CBX6: variants seen among roughly 807,000 people sequenced by gnomAD.
The protein encoded by CBX6 is chromobox protein homolog 6.
In CBX6, 7 loss-of-function variants were observed where a neutral mutation model predicts 28.4. The ratio of observed to expected loss-of-function variants is 0.25; its 90% CI spans 0.14 to 0.46. The LOEUF (loss-of-function observed/expected upper bound fraction) is 0.46. Ranked by LOEUF, CBX6 falls within the 20% of genes least tolerant of loss-of-function variation. The pLI is 0.99. For missense variants in CBX6, 512 were observed against 606.1 expected (o/e 0.84, Z 1.63); for synonymous variants, 297 against 273.4 (o/e 1.09, Z -0.85).
chr22:38,866,445 C>T lies in CBX6; in HGVS notation c.1003G>A (p.Ala335Thr), dbSNP rs760731246. ...SKRAPPEVTA[A>T]AGPAPPTAPE... ...GCCGTGGGAGGTGCCGGGCCGGCAG[C>T]AGCTGTGACCTCAGGCGGTGCCCGC... Residue 335 changes from alanine (A) to threonine (T), a missense_variant, in exon 5 of 5, where the codon GCT becomes ACT. Physicochemically the swap from Ala to Thr is moderately conservative, Grantham distance 58. Around this residue, in one of 7 missense-constraint regions of CBX6, gnomAD observed 290 missense variants for 274.1 expected, o/e 1.06. Coordinates refer to ENST00000407418, the MANE Select transcript of CBX6 (RefSeq NM_014292.5). This position sits in a 1 kb window ranked among gnomAD's most constrained non-coding sequence, Gnocchi z 7.5. 2 of 1,608,406 alleles carry T rather than the reference C, an allele frequency of 1.2e-6. No individual in the cohort carries two copies. The highest frequency in any genetic ancestry group is 8.5e-7 in the Non-Finnish European group (1 of 1,178,824).
At position 38,866,860 on chromosome 22, in the gene CBX6, C is replaced by G; in HGVS notation, c.588G>C (p.Ala196=). The G allele has an allele frequency of 6.2e-7, 1 of 1,604,222 alleles. No homozygotes were observed. Among genetic ancestry groups the G allele is most frequent in the African/African-American group, 1.3e-5 (1 of 74,572 alleles). The change falls in exon 5 of 5, where the codon GCG becomes GCC. Residue 196 remains alanine, a synonymous_variant. Coordinates refer to ENST00000407418, the MANE Select transcript of CBX6 (RefSeq NM_014292.5). This position sits in a 1 kb window ranked among gnomAD's most constrained non-coding sequence, Gnocchi z 7.5. ...GGGGAGQGAG[A]LARPKVPSRN... ...GCGAGGGGACTTTGGGGCGGGCCAGCGCCCCGGCCCCCTGCCCGGCGCCCC... is the reference window on the plus strand; with the variant it reads ...GCGAGGGGACTTTGGGGCGGGCCAGGGCCCCGGCCCCCTGCCCGGCGCCCC...
chr22:38,871,330 G>T lies in CBX6; in HGVS notation c.246+150C>A, dbSNP rs373608295. 2.4e-4 allele frequency: 172 copies of T among 706,644 alleles called. 1 individual carries two copies. In the East Asian group the frequency reaches 4.5e-3, roughly 18 times the overall value. The allele number at this position is 706,644 out of a possible 1,614,324, so 43.8% of individuals were successfully genotyped here. On this transcript the variant is annotated intron_variant, in intron 4 of 4. Coordinates refer to ENST00000407418, the MANE Select transcript of CBX6 (RefSeq NM_014292.5). The surrounding 1 kb of genome is among the most constrained non-coding windows in gnomAD (Gnocchi z 5.6). ...GCCTGCCATCAGGGGCTTCTGGGGG[G>T]GCTCACAACCACCCCCTGCCCAGCT...
In CBX6 at chr22:38,867,094, C is replaced by T. The variant is rs2093172417; in HGVS notation, c.354G>A (p.Arg118=). 6.3e-7 allele frequency: 1 copy of T among 1,597,480 alleles called. No individual in the cohort carries two copies. Among genetic ancestry groups the T allele is most frequent in the Non-Finnish European group, 8.5e-7 (1 of 1,174,204 alleles). The change falls in exon 5 of 5, where the codon CGG becomes CGA. Residue 118 remains arginine (R), a synonymous_variant. Transcript: ENST00000407418. ...GGCAGCGGCGGATGTCCTTCTTGAG[C>T]CGGTGCACGGCTGCGCTGGAGTGCA... ...PKLHSSAAVH[R]LKKDIRRCHR... is the part of the protein sequence containing the mutation.
rs1289541778 is a variant in CBX6, at chr22:38,866,192, T to C, written c.*17A>G. On this transcript the variant is annotated 3_prime_UTR_variant, in exon 5 of 5. Transcript: ENST00000407418. This position sits in a 1 kb window ranked among gnomAD's most constrained non-coding sequence, Gnocchi z 7.5. ...GCAGGAGGGCCCCCCCAAGCCCCCC[T>C]CCTTGGTGGAGCCCCCTCACTTGCT... The C allele has an allele frequency of 1.2e-4, 171 of 1,460,582 alleles. No homozygotes were observed. The highest frequency in any genetic ancestry group is 5.4e-4 in the Admixed American group (29 of 53,234). The allele number at this position is 1,460,582 out of a possible 1,614,324, so 90.5% of individuals were successfully genotyped here.
chr22:38,866,164 C>T lies in CBX6; in HGVS notation c.*45G>A, dbSNP rs1460132357. 2.2e-6 allele frequency: 3 copies of T among 1,373,106 alleles called. No individual in the cohort carries two copies. Among genetic ancestry groups the T allele is most frequent in the African/African-American group, 2.9e-5 (2 of 69,984 alleles). 85.1% of individuals were successfully genotyped at this position (1,373,106 alleles called of 1,614,324 possible). A position where few individuals can be genotyped will look rare whatever the true frequency, so the allele number is the denominator to read the frequency against. On this transcript the variant is annotated 3_prime_UTR_variant, in exon 5 of 5. Coordinates refer to ENST00000407418, the MANE Select transcript of CBX6 (RefSeq NM_014292.5). The surrounding 1 kb of genome is among the most constrained non-coding windows in gnomAD (Gnocchi z 7.5). ...TGGGGTGGGAGCAAGAGTATGACTT[C>T]GGGCAGGAGGGCCCCCCCAAGCCCC...
At position 38,863,483 on chromosome 22, in the gene CBX6, GGCCGATCCGT is replaced by G. The variant is rs2093162292; in HGVS notation, c.*2716_*2725del. ...CCATGGAGGCTGATCTCCCAAGGGAGGCCGATCCGTGCAAGTGTGTGGGAGGCGGGGGTAC... is the reference window on the plus strand; with the variant it reads ...CCATGGAGGCTGATCTCCCAAGGGAGGCAAGTGTGTGGGAGGCGGGGGTAC... On this transcript the variant is annotated 3_prime_UTR_variant, in exon 5 of 5. Transcript: ENST00000407418. 1 of 152,120 alleles carries G rather than the reference GGCCGATCCGT, an allele frequency of 6.6e-6. No individual in the cohort carries two copies. The highest frequency in any genetic ancestry group is 2.4e-5 in the African/African-American group (1 of 41,374). The allele number at this position is 152,120 out of a possible 1,614,324, so 9.4% of individuals were successfully genotyped here. A position where few individuals can be genotyped will look rare whatever the true frequency, so the allele number is the denominator to read the frequency against.
chr22:38,868,075 G>A (rs989896681), intron 4 of CBX6, among the ~76,000 whole-genome samples: 5 of 152,192 alleles, frequency 3.3e-5, no homozygotes, highest in African/African-American at 1.2e-4. Context: ...TCTCTTTAAA[G>A]CCACAGGGCT....
chr22:38,872,168 T>C lies in CBX6; in HGVS notation c.23A>G (p.Glu8Gly). Residue 8 changes from glutamate (E) to glycine (G), a missense_variant, in exon 1 of 5, where the codon GAG becomes GGG. Around this residue, in one of 7 missense-constraint regions of CBX6, gnomAD observed 27 missense variants for 30.9 expected, o/e 0.87. Coordinates refer to ENST00000407418, the MANE Select transcript of CBX6 (RefSeq NM_014292.5). This position sits in a 1 kb window ranked among gnomAD's most constrained non-coding sequence, Gnocchi z 5.0. MELSAVG[E>G]RVFAAESIIK... Reference sequence around the variant, plus strand: ...GATGGATTCGGCCGCGAAGACCCGCTCGCCCACTGCAGACAGCTCCATCTT... The same window carrying C: ...GATGGATTCGGCCGCGAAGACCCGCCCGCCCACTGCAGACAGCTCCATCTT... 1 of 1,418,958 alleles carries C rather than the reference T, an allele frequency of 7.0e-7. No homozygotes were observed. The highest frequency in any genetic ancestry group is 3.7e-5 in the East Asian group (1 of 27,292). The allele number at this position is 1,418,958 out of a possible 1,614,324, so 87.9% of individuals were successfully genotyped here.
rs1278585431 is a variant in CBX6 at position 38,865,585 on chromosome 22, T to C, written c.*624A>G. 2 of 152,538 alleles carry C rather than the reference T, an allele frequency of 1.3e-5. No individual in the cohort carries two copies. Among genetic ancestry groups the C allele is most frequent in the Non-Finnish European group, 2.9e-5 (2 of 68,142 alleles). The allele number at this position is 152,538 out of a possible 1,614,324, so 9.4% of individuals were successfully genotyped here. On this transcript the variant is annotated 3_prime_UTR_variant, in exon 5 of 5. Coordinates refer to ENST00000407418, the MANE Select transcript of CBX6 (RefSeq NM_014292.5). ...CACCCTCTGCCAGTTCCTCCCACCGTTGAGGGGGTTAGGAAAGAGCCAGGG... is the reference window on the plus strand; with the variant it reads ...CACCCTCTGCCAGTTCCTCCCACCGCTGAGGGGGTTAGGAAAGAGCCAGGG...
At chr22:38,867,228 G>GGCC in intron 4 of CBX6, 27 bp from the exon 5 acceptor site, 3 of 518,866 alleles carry the variant, frequency 5.8e-6, no homozygotes, top group East Asian at 5.0e-5. Context: ...GGGTGGGTGG[G>GGCC]ACCTCAGGAC....
Position 38,867,040 on chromosome 22 carries a change from G to C in CBX6, c.408C>G (p.Arg136=). ...CHRMSRRPLP[R]PDPQGGSPGL... ...CGGGGCTGCCCCCCTGCGGGTCCGG[G>C]CGGGGCAGGGGACGGCGGGACATAC... The change falls in exon 5 of 5, where the codon CGC becomes CGG. Residue 136 remains arginine (R), a synonymous_variant. Transcript: ENST00000407418. The C allele has an allele frequency of 6.2e-7, 1 of 1,605,894 alleles. No individual in the cohort carries two copies.
Position 38,867,177 on chromosome 22 carries a change from G to C in CBX6, c.271C>G (p.Arg91Gly), listed in dbSNP as rs753017075. 6.5e-7 allele frequency: 1 copy of C among 1,543,724 alleles called. No individual in the cohort carries two copies. Among genetic ancestry groups the C allele is most frequent in the East Asian group, 2.4e-5 (1 of 41,314 alleles). ...ACAGAGAAATGCACATCACTGATGC[G>C]GAGGGCCTCGGCCTGGGCCCGCGCC... is the stretch of plus-strand genomic sequence containing the variant. The part of the protein sequence containing the change: ...LKARAQAEAL[R>G]ISDVHFSVKP... The change falls in exon 5 of 5, where the codon CGC (arginine) becomes GGC (glycine). Residue 91 changes from arginine to glycine, a missense_variant. Arg to Gly is a moderately radical substitution (Grantham distance 125). Around this residue, in one of 7 missense-constraint regions of CBX6, gnomAD observed 123 missense variants for 138.1 expected, o/e 0.89. Coordinates refer to ENST00000407418, the MANE Select transcript of CBX6 (RefSeq NM_014292.5).
chr22:38,872,069 C>A lies in CBX6; in HGVS notation c.69+53G>T. 1.6e-6 allele frequency: 2 copies of A among 1,281,930 alleles called. No individual in the cohort carries two copies. Among genetic ancestry groups the A allele is most frequent in the Non-Finnish European group, 2.0e-6 (2 of 1,005,310 alleles). 79.4% of individuals were successfully genotyped at this position (1,281,930 alleles called of 1,614,324 possible). On this transcript the variant is annotated intron_variant, in intron 1 of 4. Coordinates refer to ENST00000407418, the MANE Select transcript of CBX6 (RefSeq NM_014292.5). This position sits in a 1 kb window ranked among gnomAD's most constrained non-coding sequence, Gnocchi z 5.0. ...GGGACCGCTTCGCCCCGAGGGCCCCCGGCCCCGGCCCCGGCTGCGGACAGC... is the reference window on the plus strand; with the variant it reads ...GGGACCGCTTCGCCCCGAGGGCCCCAGGCCCCGGCCCCGGCTGCGGACAGC...
chr22:38,866,521 C>A lies in CBX6; in HGVS notation c.927G>T (p.Glu309Asp). The change falls in exon 5 of 5, where the codon GAG becomes GAT. Residue 309 changes from glutamate to aspartate, a missense_variant. Around this residue, in one of 7 missense-constraint regions of CBX6, gnomAD observed 290 missense variants for 274.1 expected, o/e 1.06. Transcript: ENST00000407418. The surrounding 1 kb of genome is among the most constrained non-coding windows in gnomAD (Gnocchi z 7.5). ...GGAGGGACAGGTCGAGCACCTCCGG[C>A]TCGCGCCAGCTGGGGGCGGATGGGC... ...TVSPSAPSWR[E>D]PEVLDLSLPP... The A allele has an allele frequency of 1.3e-6, 2 of 1,581,508 alleles. No homozygotes were observed. Among genetic ancestry groups the A allele is most frequent in the Admixed American group, 1.8e-5 (1 of 56,518 alleles).
In CBX6 at chr22:38,866,372, C is replaced by A. The variant is rs2093169424; in HGVS notation, c.1076G>T (p.Arg359Leu). ...ATTGGAGCAGGGTGACATCTCGGGG[C>A]GCCAGTCCCCAGCCTCGGGCTCGGA... ...ASSEPEAGDW[R>L]PEMSPCSNVV... The change falls in exon 5 of 5, where the codon CGC becomes CTC. Residue 359 changes from arginine to leucine, a missense_variant. Coordinates refer to ENST00000407418, the MANE Select transcript of CBX6 (RefSeq NM_014292.5). This position sits in a 1 kb window ranked among gnomAD's most constrained non-coding sequence, Gnocchi z 7.5. 1.2e-6 allele frequency: 2 copies of A among 1,613,566 alleles called. No homozygotes were observed. The highest frequency in any genetic ancestry group is 2.2e-5 in the East Asian group (1 of 44,856).
At position 38,866,846 on chromosome 22, in the gene CBX6, T is replaced by C; in HGVS notation, c.602A>G (p.Lys201Arg). Residue 201 changes from lysine to arginine, a missense_variant, in exon 5 of 5, where the codon AAA becomes AGA. By Grantham distance (26) the Lys-to-Arg change is conservative. Coordinates refer to ENST00000407418, the MANE Select transcript of CBX6 (RefSeq NM_014292.5). This position sits in a 1 kb window ranked among gnomAD's most constrained non-coding sequence, Gnocchi z 7.5. Reference protein sequence around the residue: ...GQGAGALARPKVPSRNRVIGK... With the variant: ...GQGAGALARPRVPSRNRVIGK... ...TATAACGCGGTTCCGCGAGGGGACT[T>C]TGGGGCGGGCCAGCGCCCCGGCCCC... 1.2e-6 allele frequency: 2 copies of C among 1,611,140 alleles called. No individual in the cohort carries two copies. Among genetic ancestry groups the C allele is most frequent in the Non-Finnish European group, 1.7e-6 (2 of 1,178,842 alleles).
In CBX6 at chr22:38,865,996, GGGGTGTGCCCTTCCCCTGCCCCATTCCA is replaced by G. The variant is rs2093168429; in HGVS notation, c.*185_*212del. ...CCAGTGGGCTACCATGCATGGGCAGGGGGTGTGCCCTTCCCCTGCCCCATTCCAGGGTGGCCCCTACCCCCGGCTTTCT... is the reference window on the plus strand; with the variant it reads ...CCAGTGGGCTACCATGCATGGGCAGGGGGTGGCCCCTACCCCCGGCTTTCT... On this transcript the variant is annotated 3_prime_UTR_variant, in exon 5 of 5. Transcript: ENST00000407418. The G allele has an allele frequency of 6.8e-6, 4 of 588,614 alleles. No individual in the cohort carries two copies. Among genetic ancestry groups the G allele is most frequent in the South Asian group, 6.3e-5 (3 of 47,566 alleles). The allele number at this position is 588,614 out of a possible 1,614,324, so 36.5% of individuals were successfully genotyped here. A position where few individuals can be genotyped will look rare whatever the true frequency, so the allele number is the denominator to read the frequency against.
Position 38,865,833 on chromosome 22 carries a change from C to T in CBX6, c.*376G>A, listed in dbSNP as rs901933113. The T allele has an allele frequency of 2.3e-5, 5 of 220,306 alleles. No homozygotes were observed. The highest frequency in any genetic ancestry group is 4.5e-5 in the Non-Finnish European group (5 of 111,100). The allele number at this position is 220,306 out of a possible 1,614,324, so 13.6% of individuals were successfully genotyped here. ...GACTGTGTCCACCCTCGGTGGGGGGCTCCTAAGGGCCCCACAGCTGCCAGG... is the reference window on the plus strand; with the variant it reads ...GACTGTGTCCACCCTCGGTGGGGGGTTCCTAAGGGCCCCACAGCTGCCAGG... On this transcript the variant is annotated 3_prime_UTR_variant, in exon 5 of 5. Coordinates refer to ENST00000407418, the MANE Select transcript of CBX6 (RefSeq NM_014292.5).
Position 38,865,668 on chromosome 22 carries a change from C to G in CBX6, c.*541G>C, listed in dbSNP as rs1213825177. 6.3e-6 allele frequency: 1 copy of G among 157,692 alleles called. No individual in the cohort carries two copies. The highest frequency in any genetic ancestry group is 1.4e-5 in the Non-Finnish European group (1 of 71,284). The allele number at this position is 157,692 out of a possible 1,614,324, so 9.8% of individuals were successfully genotyped here. A position where few individuals can be genotyped will look rare whatever the true frequency, so the allele number is the denominator to read the frequency against. ...TCGTCCAAAATCGAGCAGGGAAGAC[C>G]CCGCCCTGGCCCAACTTCTGATGCC... On this transcript the variant is annotated 3_prime_UTR_variant, in exon 5 of 5. Coordinates refer to ENST00000407418, the MANE Select transcript of CBX6 (RefSeq NM_014292.5).
Sources: gnomAD v4.1 joint callset for allele counts (sites outside exome capture counted in the v4.1 genomes callset) on GRCh38, gnomAD v4.1.1 for gene constraint, gnomAD v4.1.1 regional missense constraint, Gnocchi (gnomAD v3.1) non-coding constraint, MANE v1.5 for transcripts, NCBI Gene and HGNC (gene_info 2026-07-23, HGNC 2026-07-21) for gene names.